The following TMEM94 variants were observed in gnomAD, a reference collection of about 807,000 sequenced individuals.
TMEM94 encodes transmembrane protein 94, also known as ER Mg2+ ATPase.
Under a neutral mutation model 158.6 loss-of-function variants are expected in TMEM94, and 81 were observed. The ratio of observed to expected loss-of-function variants is 0.51; its 90% CI spans 0.43 to 0.61. The LOEUF (loss-of-function observed/expected upper bound fraction) is 0.61. TMEM94 is among the 20% of genes least tolerant of loss of function. The pLI, the probability that TMEM94 is intolerant of heterozygous loss-of-function variation, is 0.00. For missense variants in TMEM94, 1,435 were observed against 1,762.0 expected, an observed-to-expected ratio of 0.81 and a Z score of 3.32; for synonymous variants, 751 against 730.7, an observed-to-expected ratio of 1.03 and a Z score of -0.45.
chr17:75,458,939 C>A (rs1475067091), intron 1 of TMEM94, among the ~76,000 whole-genome samples: 1 of 150,992 alleles, frequency 6.6e-6, no homozygotes, highest in Non-Finnish European at 1.5e-5. Context: ...TGCCTGTAGT[C>A]CCAGCTACTT....
At chr17:75,457,510 C>T (rs1303408192) in intron 1 of TMEM94, 1 of 152,156 alleles carries the variant, frequency 6.6e-6, no homozygotes, top group African/African-American at 2.4e-5. Context: ...TTGGCGTTGC[C>T]TTGGTCACGT....
chr17:75,458,380 C>T (rs984050979), intron 1 of TMEM94, among the ~76,000 whole-genome samples: 2 of 151,968 alleles, frequency 1.3e-5, no homozygotes, highest in African/African-American at 4.8e-5. Context: ...TAAAAGAATA[C>T]AAATAAATAA....
Position 75,496,432 on chromosome 17 carries a change from C to T in TMEM94, c.3204C>T (p.Arg1068=). The change falls in exon 24 of 32, where the codon CGC becomes CGT. Residue 1068 remains arginine, a synonymous_variant. Transcript: ENST00000314256. The part of the protein sequence containing the change: ...LNSLPCSLTF[R]QEETISIIRL... ...GCCTGCCCTGTTCCCTGACCTTTCG[C>T]CAGGAGGAGACCATCAGCATCATCC... The T allele has an allele frequency of 6.2e-7, 1 of 1,613,616 alleles. No homozygotes were observed. The highest frequency in any genetic ancestry group is 1.3e-5 in the African/African-American group (1 of 75,072).
intron 2 of TMEM94, among the ~76,000 whole-genome samples, chr17:75,484,362 T>C (rs2051414498): frequency 7.1e-6 from 1 of 141,402 alleles, no homozygotes. Flanking sequence ...TTTTCCTTCA[T>C]GTCTTTCCTA....
At chr17:75,497,039 G>A (rs2052765436) in intron 25 of TMEM94, 74 bp from the exon 26 acceptor site, 2 of 1,345,116 alleles carry the variant, frequency 1.5e-6, no homozygotes, top group African/African-American at 2.9e-5. Context: ...CCAGGGCAAG[G>A]GAGCTCGGGG....
Position 75,493,099 on chromosome 17 carries a change from A to G in TMEM94, c.2083A>G (p.Thr695Ala), listed in dbSNP as rs2052362819. 1 of 1,612,456 alleles carries G rather than the reference A, an allele frequency of 6.2e-7. No individual in the cohort carries two copies. The highest frequency in any genetic ancestry group is 1.3e-5 in the African/African-American group (1 of 74,972). ...MISLFIKDTT[T>A]STEQMLSHGT... The stretch of plus-strand genomic sequence containing the variant: ...CAGCCTCTTCATTAAAGACACCACC[A>G]CCAGTGAGCCCTGGCTACGTTGGCC... The change falls in exon 16 of 32, where the codon ACC (threonine) becomes GCC (alanine). Residue 695 changes from threonine to alanine, a missense_variant. Physicochemically the swap from Thr to Ala is moderately conservative, Grantham distance 58. This residue lies in a region of TMEM94 where 1,051 missense variants were observed against 1,254.4 expected (regional missense o/e 0.84). Transcript: ENST00000314256.
In TMEM94 at chr17:75,497,053, C is replaced by T. The variant is rs893789971; in HGVS notation, c.3322-60C>T. 5.5e-6 allele frequency: 8 copies of T among 1,462,274 alleles called. No homozygotes were observed. In the African/African-American group the frequency reaches 5.6e-5, roughly 10 times the overall value. The allele number at this position is 1,462,274 out of a possible 1,614,324, so 90.6% of individuals were successfully genotyped here. ...CCCAGGGCAAGGGAGCTCGGGGGCTCCTATGCCCTTATTATTTGCCTGAAT... is the reference window on the plus strand; with the variant it reads ...CCCAGGGCAAGGGAGCTCGGGGGCTTCTATGCCCTTATTATTTGCCTGAAT... On this transcript the variant is annotated intron_variant, in intron 25 of 31. Coordinates refer to ENST00000314256, the MANE Select transcript of TMEM94 (RefSeq NM_014738.6).
chr17:75,463,178 G>GTGTGTGTA lies in TMEM94; in HGVS notation c.-107+6428_-107+6429insGTGTGTAT, dbSNP rs1180723796. ...TATATATATGTGTGTGTGTGTGTGT[G>GTGTGTGTA]TATATATATATATATATATACAGTT... On this transcript the variant is annotated intron_variant, in intron 1 of 31. Transcript: ENST00000314256. Among the ~76,000 whole-genome samples the GTGTGTGTA allele has an allele frequency of 1.3e-4, 2 of 15,062 alleles. 1 individual carries two copies. The highest frequency in any genetic ancestry group is 3.3e-4 in the African/African-American group (2 of 6,036). The allele number at this position is 15,062 out of a possible 152,430, so 9.9% of individuals were successfully genotyped here. A position where few individuals can be genotyped will look rare whatever the true frequency, so the allele number is the denominator to read the frequency against.
At chr17:75,466,298 C>G (rs1166826851) in intron 1 of TMEM94, among the ~76,000 whole-genome samples, 2 of 151,822 alleles carry the variant, frequency 1.3e-5, no homozygotes, top group South Asian at 2.1e-4. Context: ...GTGCTAGACT[C>G]TCTGTTCTGT....
intron 2 of TMEM94, among the ~76,000 whole-genome samples, chr17:75,482,207 G>A (rs142701408): frequency 1.4e-4 from 22 of 152,188 alleles, no homozygotes; most frequent in African/African-American, 4.1e-4. Context: ...TTAGCCGGGC[G>A]TGGCAGCATG....
chr17:75,464,440 C>T (rs1384527680), intron 1 of TMEM94, among the ~76,000 whole-genome samples: 2 of 151,764 alleles, frequency 1.3e-5, no homozygotes, highest in Non-Finnish European at 2.9e-5. Context: ...TGTGATCGCA[C>T]CACTGTACTC....
chr17:75,483,814 C>T (rs1025136042), intron 2 of TMEM94, among the ~76,000 whole-genome samples: 2 of 152,092 alleles, frequency 1.3e-5, no homozygotes, highest in African/African-American at 4.8e-5. Flanking sequence ...GCTGTAGGCC[C>T]GTTCAGCAGA....
intron 1 of TMEM94, chr17:75,457,200 G>C (rs2049920831): frequency 6.6e-6 from 1 of 152,382 alleles, no homozygotes; most frequent in South Asian, 2.1e-4. Context: ...TCGCGCGGCC[G>C]TCCCCAGCTG....
chr17:75,483,141 G>A (rs2051307318), intron 2 of TMEM94, among the ~76,000 whole-genome samples: 1 of 152,210 alleles, frequency 6.6e-6, no homozygotes, highest in African/African-American at 2.4e-5. Flanking sequence ...GTGAACATGA[G>A]CTGAAGGGGC....
rs746366906 is a variant in TMEM94 at position 75,488,060 on chromosome 17, A to T, written c.538A>T (p.Ser180Cys). The T allele has an allele frequency of 6.2e-7, 1 of 1,614,202 alleles. No individual in the cohort carries two copies. The highest frequency in any genetic ancestry group is 1.7e-5 in the Admixed American group (1 of 60,024). Residue 180 changes from serine (S) to cysteine (C), a missense_variant, in exon 6 of 32, where the codon AGC becomes TGC. Transcript: ENST00000314256. ...CGGACACCTGGTCAACCTGCCAGTC[A>T]GCCTGCTGGTTGAAGGAGACATCAT... ...RDGHLVNLPVSLLVEGDIIAL... is the reference protein window; with the variant it reads ...RDGHLVNLPVCLLVEGDIIAL...
At position 75,488,128 on chromosome 17, in the gene TMEM94, G is replaced by C; in HGVS notation, c.606G>C (p.Gly202=). ...AGGAATCGTTTGCTTCTCTGAGGGG[G>C]ATCAAGGTAGCTTGAGGCTTTCCTT... ...PGQESFASLR[G]IKDDEHIVLE... Residue 202 remains glycine (G), a synonymous_variant, in exon 6 of 32, where the codon GGG becomes GGC. Transcript: ENST00000314256. 1 of 1,614,158 alleles carries C rather than the reference G, an allele frequency of 6.2e-7. No homozygotes were observed. Among genetic ancestry groups the C allele is most frequent in the East Asian group, 2.2e-5 (1 of 44,884 alleles).
At chr17:75,483,522 G>A (rs985075998) in intron 2 of TMEM94, among the ~76,000 whole-genome samples, 12 of 150,716 alleles carry the variant, frequency 8.0e-5, no homozygotes, top group Admixed American at 3.3e-4. Context: ...GTGCAGTGGC[G>A]TGATCTTGGC....
chr17:75,465,036 G>A (rs551924665), intron 1 of TMEM94, among the ~76,000 whole-genome samples: 3 of 152,096 alleles, frequency 2.0e-5, no homozygotes, highest in African/African-American at 4.8e-5. Context: ...GTCTCACTCC[G>A]TTTCCCAGGC....
At chr17:75,474,679 A>C (rs1286919133) in intron 2 of TMEM94, among the ~76,000 whole-genome samples, 1 of 152,164 alleles carries the variant, frequency 6.6e-6, no homozygotes, top group African/African-American at 2.4e-5. Context: ...AACCAAAAAC[A>C]GTCAGAAGGT....
Sources: allele counts gnomAD v4.1 joint callset (sites outside exome capture counted in the v4.1 genomes callset), GRCh38; gene constraint gnomAD v4.1.1; regional missense constraint gnomAD v4.1.1; transcripts MANE v1.5; gene names NCBI Gene and HGNC (gene_info 2026-07-23, HGNC 2026-07-21).